Variants in GDAP1 observed in about 807,000 individuals in gnomAD.
GDAP1 encodes the protein ganglioside induced differentiation associated protein 1, also known as ganglioside-induced differentiation-associated protein 1.
Under a neutral mutation model 40.1 loss-of-function variants are expected in GDAP1, and 34 were observed. The observed-to-expected ratio is 0.85, with a 90% CI of 0.64 to 1.13. The LOEUF (loss-of-function observed/expected upper bound fraction) is 1.13, where lower values mean the gene tolerates loss of function less well. GDAP1 is among the 50% of genes most tolerant of loss of function. GDAP1 has a pLI of 0.00. For synonymous variants in GDAP1, 170 were observed against 157.4 expected, an observed-to-expected ratio of 1.08 and a Z score of -0.60; for missense variants, 374 against 433.7, an observed-to-expected ratio of 0.86 and a Z score of 1.22.
chr8:74,387,231 G>A (rs1810038757), intron 2 of GDAP1, among the ~76,000 whole-genome samples: 1 of 152,180 alleles, frequency 6.6e-6, no homozygotes, highest in South Asian at 2.1e-4. Flanking sequence ...AATAGGAGTG[G>A]TGAGAGAGGG....
intron 2 of GDAP1, among the ~76,000 whole-genome samples, chr8:74,408,844 A>G (rs530572475): frequency 6.7e-6 from 1 of 150,192 alleles, no homozygotes; most frequent in South Asian, 2.1e-4. Flanking sequence ...CTAATGTGGC[A>G]GTGAGTATTC....
intron 2 of GDAP1, among the ~76,000 whole-genome samples, chr8:74,463,588 A>G (rs62523908): frequency 2.0e-5 from 3 of 152,182 alleles, no homozygotes; most frequent in Non-Finnish European, 4.4e-5. Flanking sequence ...AATAAAGCAG[A>G]GGTTGTTCCT....
At chr8:74,359,912 G>T (rs1270401128) in intron 2 of GDAP1, among the ~76,000 whole-genome samples, 1 of 152,204 alleles carries the variant, frequency 6.6e-6, no homozygotes, top group Non-Finnish European at 1.5e-5. Context: ...AGTTTGCAAG[G>T]TGAAGAAATG....
chr8:74,363,040 T>A lies in GDAP1; in HGVS notation c.681T>A (p.Asn227Lys), dbSNP rs762473236. The A allele has an allele frequency of 2.4e-5, 35 of 1,444,106 alleles. No homozygotes were observed. Among genetic ancestry groups the A allele is most frequent in the Non-Finnish European group, 3.4e-5 (35 of 1,025,092 alleles). The allele number at this position is 1,444,106 out of a possible 1,614,324, so 89.5% of individuals were successfully genotyped here. ...DQVETELQRR[N>K]EETPEEGQQP... ...TTGAAACTGAATTGCAAAGAAGAAATGAAGAAACCCCAGGTAGGTTCTCAT... is the reference window on the plus strand; with the variant it reads ...TTGAAACTGAATTGCAAAGAAGAAAAGAAGAAACCCCAGGTAGGTTCTCAT... Residue 227 changes from asparagine to lysine, a missense_variant, in exon 5 of 6, where the codon AAT (asparagine) becomes AAA (lysine). Physicochemically the swap from Asn to Lys is moderately conservative, Grantham distance 94. Coordinates refer to ENST00000220822, the MANE Select transcript of GDAP1 (RefSeq NM_018972.4).
At chr8:74,430,167 T>G (rs1226211749) in intron 2 of GDAP1, among the ~76,000 whole-genome samples, 1 of 152,244 alleles carries the variant, frequency 6.6e-6, no homozygotes, top group African/African-American at 2.4e-5. Context: ...GGTAAATGGT[T>G]CAAGTGTGAC....
chr8:74,448,553 A>C (rs763326359), intron 2 of GDAP1, among the ~76,000 whole-genome samples: 2 of 152,132 alleles, frequency 1.3e-5, no homozygotes, highest in Non-Finnish European at 2.9e-5. Flanking sequence ...CTAGTAGTGA[A>C]TGAGTGTTCT....
chr8:74,364,279 CAGG>C lies in GDAP1; in HGVS notation c.992_994del (p.Gly331del). On this transcript the variant is annotated inframe_deletion, in exon 6 of 6. Transcript: ENST00000220822. ...ACGACCCTTGTGGTTGGTTTGCTTG[CAGG>C]AGTGGGATATTTTGCTTTTATGCTT... The C allele has an allele frequency of 6.2e-7, 1 of 1,614,088 alleles. No homozygotes were observed. The highest frequency in any genetic ancestry group is 8.5e-7 in the Non-Finnish European group (1 of 1,179,960).
chr8:74,485,251 G>A (rs993502984), intron 2 of GDAP1, among the ~76,000 whole-genome samples: 1 of 152,070 alleles, frequency 6.6e-6, no homozygotes, highest in African/African-American at 2.4e-5. Context: ...AGATTTATAG[G>A]TAAAATTCTG....
intron 2 of GDAP1, among the ~76,000 whole-genome samples, chr8:74,377,857 C>G (rs1463147596): frequency 6.6e-6 from 1 of 152,044 alleles, no homozygotes; most frequent in Non-Finnish European, 1.5e-5. Context: ...TTACTAATGG[C>G]CAATAATTGG....
At chr8:74,410,381 T>C (rs1427344077) in intron 2 of GDAP1, among the ~76,000 whole-genome samples, 1 of 150,172 alleles carries the variant, frequency 6.7e-6, no homozygotes, top group Non-Finnish European at 1.5e-5. Flanking sequence ...CATAACTAAA[T>C]TAGAGTCAGT....
chr8:74,420,013 C>A (rs7017865), intron 2 of GDAP1, among the ~76,000 whole-genome samples: 152,207 of 152,318 alleles, frequency 1, 76,049 homozygotes, highest in Non-Finnish European at 1. Flanking sequence ...CCATTGGTCT[C>A]TATGTTTGTC....
At chr8:74,424,150 T>C (rs1250800932) in intron 2 of GDAP1, among the ~76,000 whole-genome samples, 1 of 152,148 alleles carries the variant, frequency 6.6e-6, no homozygotes, top group Non-Finnish European at 1.5e-5. Flanking sequence ...TCCTGTATAC[T>C]TTAAGTCATT....
chr8:74,403,770 GT>G (rs1443591568), intron 2 of GDAP1, among the ~76,000 whole-genome samples: 2 of 150,170 alleles, frequency 1.3e-5, no homozygotes, highest in Non-Finnish European at 2.9e-5. Context: ...CGTACTGCCT[GT>G]CTACCTATGT....
intron 2 of GDAP1, among the ~76,000 whole-genome samples, chr8:74,396,074 G>A (rs1810193809): frequency 6.6e-6 from 1 of 152,032 alleles, no homozygotes; most frequent in African/African-American, 2.4e-5. Flanking sequence ...TCCTTACTGT[G>A]TATCACAATC....
intron 2 of GDAP1, among the ~76,000 whole-genome samples, chr8:74,472,311 C>T (rs1806567696): frequency 6.6e-6 from 1 of 152,178 alleles, no homozygotes; most frequent in Non-Finnish European, 1.5e-5. Context: ...TGTACATGTA[C>T]CACATTTTCT....
At chr8:74,363,867 A>T in intron 5 of GDAP1, 118 bp from the exon 6 acceptor site, 1 of 804,872 alleles carries the variant, frequency 1.2e-6, no homozygotes, top group Non-Finnish European at 2.1e-6. Flanking sequence ...TAAATATATA[A>T]TGTCCTTCAT....
intron 2 of GDAP1, among the ~76,000 whole-genome samples, chr8:74,430,613 A>G (rs1806013921): frequency 6.6e-6 from 1 of 152,156 alleles, no homozygotes; most frequent in South Asian, 2.1e-4. Flanking sequence ...ACTACATAAA[A>G]AGGGAGAGAG....
At chr8:74,370,893 A>G (rs1006880744), downstream of GDAP1, among the ~76,000 whole-genome samples, 1 of 152,248 alleles carries the variant, frequency 6.6e-6, no homozygotes, top group African/African-American at 2.4e-5. Flanking sequence ...AGGGACATTT[A>G]TGAATCACAA....
At chr8:74,414,525 A>T (rs1805755105) in intron 2 of GDAP1, among the ~76,000 whole-genome samples, 1 of 150,108 alleles carries the variant, frequency 6.7e-6, no homozygotes, top group Non-Finnish European at 1.5e-5. Flanking sequence ...CCCCAAGGTC[A>T]TTGGCTGAGC....
Sources: allele counts gnomAD v4.1 joint callset (sites outside exome capture counted in the v4.1 genomes callset), GRCh38; gene constraint gnomAD v4.1.1; transcripts MANE v1.5; gene names NCBI Gene and HGNC (gene_info 2026-07-23, HGNC 2026-07-21).